Variants in PRKAG2 observed in about 807,000 individuals in gnomAD.
The protein encoded by PRKAG2 is protein kinase AMP-activated non-catalytic subunit gamma 2.
In PRKAG2, 26 loss-of-function variants were observed where a neutral mutation model predicts 69.6. The observed-to-expected ratio is 0.37, with a 90% CI of 0.27 to 0.52. PRKAG2 has a LOEUF of 0.52. Ranked by LOEUF, PRKAG2 falls within the 20% of genes least tolerant of loss-of-function variation. PRKAG2 has a pLI of 0.90. For missense variants in PRKAG2, 557 were observed against 740.0 expected (o/e 0.75, Z 2.87); for synonymous variants, 293 against 285.0 (o/e 1.03, Z -0.28).
At chr7:151,602,712 G>T in intron 5 of PRKAG2, among the ~76,000 whole-genome samples, 1 of 152,158 alleles carries the variant, frequency 6.6e-6, no homozygotes, top group East Asian at 1.9e-4. Flanking sequence ...ATCTCATCTT[G>T]AATTGTAGTT....
At chr7:151,735,992 A>G (rs901678663) in intron 3 of PRKAG2, 1 of 1,536,054 alleles carries the variant, frequency 6.5e-7, no homozygotes, top group Non-Finnish European at 8.7e-7. Context: ...AAAGCGCTTC[A>G]TGGGTAGCTG....
chr7:151,809,283 C>A (rs2078292712), intron 1 of PRKAG2: 1 of 456,558 alleles, frequency 2.2e-6, no homozygotes, highest in Non-Finnish European at 4.4e-6. Flanking sequence ...CCTTCCCACA[C>A]ACCCCTACCC....
intron 4 of PRKAG2, among the ~76,000 whole-genome samples, chr7:151,635,025 C>T (rs1179335438): frequency 6.6e-6 from 1 of 150,792 alleles, no homozygotes; most frequent in African/African-American, 2.4e-5. Context: ...TCTCAACTCA[C>T]TGCAACCTCT....
At chr7:151,634,125 C>G (rs1563312206) in intron 4 of PRKAG2, among the ~76,000 whole-genome samples, 1 of 152,052 alleles carries the variant, frequency 6.6e-6, no homozygotes, top group Non-Finnish European at 1.5e-5. Flanking sequence ...TATATAGATA[C>G]AGCAATCAAG....
chr7:151,791,812 T>C (rs1409522736), intron 1 of PRKAG2, among the ~76,000 whole-genome samples: 1 of 152,216 alleles, frequency 6.6e-6, no homozygotes, highest in East Asian at 1.9e-4. Flanking sequence ...AGTGAAGTAT[T>C]AACGACAGAG....
At chr7:151,753,172 C>A (rs1234707568) in intron 3 of PRKAG2, among the ~76,000 whole-genome samples, 1 of 152,246 alleles carries the variant, frequency 6.6e-6, no homozygotes, top group African/African-American at 2.4e-5. Flanking sequence ...GATGAAGAGA[C>A]TGAAGAGAAA....
intron 10 of PRKAG2, 81 bp downstream of exon 10, chr7:151,570,090 A>G: frequency 6.7e-7 from 1 of 1,487,918 alleles, no homozygotes; most frequent in Non-Finnish European, 9.2e-7. Context: ...GAACATGTTT[A>G]TTTGTGTCTT....
intron 3 of PRKAG2, among the ~76,000 whole-genome samples, chr7:151,690,552 G>C (rs1835506040): frequency 6.6e-6 from 1 of 152,246 alleles, no homozygotes. Context: ...AAGGCTGGGA[G>C]GGAAGGACAG....
intron 6 of PRKAG2, among the ~76,000 whole-genome samples, chr7:151,592,550 C>T (rs765334950): frequency 1.3e-5 from 2 of 152,028 alleles, no homozygotes; most frequent in African/African-American, 2.4e-5. Context: ...CTCCTGTCTG[C>T]GCACACTCTT....
At chr7:151,626,630 C>A (rs895988676) in intron 5 of PRKAG2, among the ~76,000 whole-genome samples, 4 of 151,908 alleles carry the variant, frequency 2.6e-5, no homozygotes, top group African/African-American at 9.7e-5. Flanking sequence ...GAGGTCAGTG[C>A]CCCGCAGTAG....
chr7:151,603,664 C>T (rs1244977432), intron 5 of PRKAG2, among the ~76,000 whole-genome samples: 3 of 152,196 alleles, frequency 2.0e-5, no homozygotes, highest in African/African-American at 7.2e-5. Flanking sequence ...ACTGAGGGTA[C>T]ACATGCCTTC....
chr7:151,661,124 A>G (rs1830246748), intron 4 of PRKAG2, among the ~76,000 whole-genome samples: 1 of 152,232 alleles, frequency 6.6e-6, no homozygotes. Context: ...AACCACCATA[A>G]TTGAATAGCC....
At chr7:151,691,869 T>C (rs1284397235) in intron 3 of PRKAG2, among the ~76,000 whole-genome samples, 1 of 152,256 alleles carries the variant, frequency 6.6e-6, no homozygotes, top group African/African-American at 2.4e-5. Context: ...TCAGTGGCTC[T>C]ATTCATAGTT....
Position 151,788,389 on chromosome 7 carries a change from C to T in PRKAG2, c.115-1848G>A, listed in dbSNP as rs1267800662. ...AATATCTTTTCATCTGCTTATCGGC[C>T]ACTTGTCTATCATCTTTGGAGAAAT... On this transcript the variant is annotated intron_variant, in intron 1 of 15. Transcript: ENST00000287878. The surrounding 1 kb of genome is among the most constrained non-coding windows in gnomAD (Gnocchi z 4.6). Among the ~76,000 whole-genome samples, 3 of 152,186 alleles carry T rather than the reference C, an allele frequency of 2.0e-5. No homozygotes were observed. The highest frequency in any genetic ancestry group is 2.9e-5 in the Non-Finnish European group (2 of 68,048).
chr7:151,695,547 C>T (rs1399060656), intron 3 of PRKAG2, among the ~76,000 whole-genome samples: 1 of 152,148 alleles, frequency 6.6e-6, no homozygotes, highest in Admixed American at 6.5e-5. Flanking sequence ...GCTGGGAGCA[C>T]AGTGGTAGCA....
chr7:151,591,976 G>A (rs73158118), intron 6 of PRKAG2, among the ~76,000 whole-genome samples: 2 of 152,098 alleles, frequency 1.3e-5, no homozygotes, highest in Non-Finnish European at 2.9e-5. Context: ...TCCCCATCAC[G>A]AACAGGGAAC....
At chr7:151,833,254 T>C (rs561851028) in intron 1 of PRKAG2, among the ~76,000 whole-genome samples, 3 of 152,134 alleles carry the variant, frequency 2.0e-5, no homozygotes, top group South Asian at 2.1e-4. Context: ...AACTGACCAT[T>C]GGAAGCTGGG....
intron 5 of PRKAG2, among the ~76,000 whole-genome samples, chr7:151,631,484 G>C (rs1585361699): frequency 6.6e-6 from 1 of 152,016 alleles, no homozygotes; most frequent in African/African-American, 2.4e-5. Context: ...TAAGATACAA[G>C]AAGAAGACAG....
chr7:151,659,951 C>T (rs779817571), intron 4 of PRKAG2, among the ~76,000 whole-genome samples: 28 of 152,116 alleles, frequency 1.8e-4, no homozygotes, highest in Admixed American at 7.2e-4. Context: ...CCCAGCTACT[C>T]GGGAGGCCGA....
Sources: gnomAD v4.1 joint callset for allele counts (sites outside exome capture counted in the v4.1 genomes callset) on GRCh38, gnomAD v4.1.1 for gene constraint, Gnocchi (gnomAD v3.1) non-coding constraint, MANE v1.5 for transcripts, NCBI Gene and HGNC (gene_info 2026-07-23, HGNC 2026-07-21) for gene names.